Variants in WDR41 observed in about 807,000 individuals in gnomAD.
WDR41 encodes WD repeat domain 41.
In WDR41, 63 loss-of-function variants were observed where a neutral mutation model predicts 69.3. The ratio of observed to expected loss-of-function variants is 0.91; its 90% CI spans 0.74 to 1.12. The LOEUF (loss-of-function observed/expected upper bound fraction) is 1.12, where lower values mean the gene tolerates loss of function less well. WDR41 is among the 50% of genes most tolerant of loss of function. The probability of loss-of-function intolerance (pLI) is 0.00; values close to 1 mark genes in which losing one functional copy is unlikely to be tolerated. For missense variants in WDR41, 543 were observed against 534.5 expected, an observed-to-expected ratio of 1.02 and a Z score of -0.16; for synonymous variants, 185 against 192.1, an observed-to-expected ratio of 0.96 and a Z score of 0.31.
intron 1 of WDR41, among the ~76,000 whole-genome samples, chr5:77,567,914 C>T (rs1419838617): frequency 1.3e-5 from 2 of 151,190 alleles, no homozygotes; most frequent in Non-Finnish European, 2.9e-5. Flanking sequence ...CCATGGACCA[C>T]ATGTTGAAAA....
At chr5:77,515,540 T>C (rs1802279960) in intron 1 of WDR41, among the ~76,000 whole-genome samples, 5 of 152,148 alleles carry the variant, frequency 3.3e-5, no homozygotes. Context: ...AAAAAGAGTA[T>C]AGTAAATGCA....
intron 2 of WDR41, among the ~76,000 whole-genome samples, chr5:77,469,805 G>C (rs1467414392): frequency 6.6e-6 from 1 of 152,128 alleles, no homozygotes; most frequent in African/African-American, 2.4e-5. Context: ...CGTCTGATTG[G>C]TGTAACTGAA....
upstream of WDR41, chr5:77,492,527 G>T (rs984664388): frequency 3.4e-5 from 12 of 355,942 alleles, no homozygotes; most frequent in Middle Eastern, 1.5e-3. Flanking sequence ...CGGGAGCGCC[G>T]CCGGGTAGCG....
intron 6 of WDR41, chr5:77,452,660 C>T (rs544944744): frequency 6.6e-6 from 1 of 152,324 alleles, no homozygotes; most frequent in African/African-American, 2.4e-5. Flanking sequence ...ATGAACAGCT[C>T]ACCAATAGTA....
At chr5:77,594,341 C>T (rs940017174) in intron 1 of WDR41, among the ~76,000 whole-genome samples, 1 of 151,120 alleles carries the variant, frequency 6.6e-6, no homozygotes, top group Non-Finnish European at 1.5e-5. Context: ...GTGCAGCACA[C>T]CAACATAGCA....
chr5:77,575,699 C>CT (rs944076832), intron 1 of WDR41, among the ~76,000 whole-genome samples: 1 of 151,936 alleles, frequency 6.6e-6, no homozygotes, highest in Non-Finnish European at 1.5e-5. Flanking sequence ...AAATGCTATC[C>CT]TTTTTTTTCT....
intron 8 of WDR41, among the ~76,000 whole-genome samples, chr5:77,442,373 CTT>C (rs1208651470): frequency 1.3e-5 from 2 of 151,952 alleles, no homozygotes; most frequent in Admixed American, 1.3e-4. Context: ...ACAATATAAA[CTT>C]AGATATGGAA....
At chr5:77,479,894 A>G (rs1456251402) in intron 2 of WDR41, among the ~76,000 whole-genome samples, 30 of 151,670 alleles carry the variant, frequency 2.0e-4, no homozygotes, top group East Asian at 1.2e-3. Context: ...GCAACCTACA[A>G]AATGGGAGAA....
intron 4 of WDR41, among the ~76,000 whole-genome samples, chr5:77,459,717 T>C (rs367680587): frequency 7.9e-4 from 121 of 152,316 alleles, no homozygotes; most frequent in South Asian, 2.7e-3. Flanking sequence ...TTTTACACCA[T>C]GTCTGAAAAC....
At chr5:77,611,914 A>G (rs1744561731) in intron 1 of WDR41, among the ~76,000 whole-genome samples, 1 of 152,188 alleles carries the variant, frequency 6.6e-6, no homozygotes, top group Non-Finnish European at 1.5e-5. Flanking sequence ...TAAAGAAAAA[A>G]AGAGAGAAGA....
At chr5:77,512,501 C>A (rs139735264) in intron 1 of WDR41, among the ~76,000 whole-genome samples, 1 of 150,720 alleles carries the variant, frequency 6.6e-6, no homozygotes. Context: ...CCTGTAATCC[C>A]GGCACTTTGG....
At chr5:77,492,093 C>T in intron 1 of WDR41, 77 bp downstream of exon 1, 2 of 1,556,706 alleles carry the variant, frequency 1.3e-6, no homozygotes, top group South Asian at 1.2e-5. Flanking sequence ...CGGTCGGAAC[C>T]CAGGAAGGCC....
intron 1 of WDR41, among the ~76,000 whole-genome samples, chr5:77,511,983 A>AT (rs1802210283): frequency 6.6e-6 from 1 of 152,156 alleles, no homozygotes; most frequent in African/African-American, 2.4e-5. Context: ...CATTCTTAGG[A>AT]TTTAGGCAGT....
Position 77,444,334 on chromosome 5 carries a change from G to T in WDR41, c.698-3337C>A, listed in dbSNP as rs73764877. Among the ~76,000 whole-genome samples, 783 of 152,198 alleles carry T rather than the reference G, an allele frequency of 5.1e-3. 3 individuals are homozygous for T. Among genetic ancestry groups the T allele is most frequent in the African/African-American group, 0.018 (735 of 41,516 alleles). ...CCACTTAGTATGAAAATCTCACCTG[G>T]TATCTGTCTATCCATCCCTCACAAG... On this transcript the variant is annotated intron_variant, in intron 8 of 12. Coordinates refer to ENST00000296679, the MANE Select transcript of WDR41 (RefSeq NM_018268.4).
chr5:77,526,493 C>A (rs1802449306), intron 1 of WDR41, among the ~76,000 whole-genome samples: 1 of 152,046 alleles, frequency 6.6e-6, no homozygotes, highest in South Asian at 2.1e-4. Flanking sequence ...TTGGATTCAG[C>A]AATCCAATTT....
At chr5:77,507,729 G>A (rs73124309) in intron 1 of WDR41, among the ~76,000 whole-genome samples, 9,514 of 152,152 alleles carry the variant, frequency 0.063, 520 homozygotes, top group African/African-American at 0.15. Context: ...GATGTGACTA[G>A]GTATGGATCT....
intron 1 of WDR41, among the ~76,000 whole-genome samples, chr5:77,585,289 G>C (rs1002094696): frequency 6.6e-6 from 1 of 152,142 alleles, no homozygotes; most frequent in Non-Finnish European, 1.5e-5. Context: ...CCTCACTCCT[G>C]CAAGAATGGC....
intron 1 of WDR41, among the ~76,000 whole-genome samples, chr5:77,533,634 G>C (rs914150183): frequency 9.2e-5 from 14 of 152,106 alleles, no homozygotes; most frequent in African/African-American, 3.4e-4. Flanking sequence ...ATAGGAGCCT[G>C]AAATGGATGA....
chr5:77,492,430 G>A (rs1221523696), upstream of WDR41: 2 of 554,466 alleles, frequency 3.6e-6, no homozygotes, highest in Non-Finnish European at 5.9e-6. Flanking sequence ...CGGAGGCTTA[G>A]TTTGGGCAGT....
Sources: gnomAD v4.1 joint callset for allele counts (sites outside exome capture counted in the v4.1 genomes callset) on GRCh38, gnomAD v4.1.1 for gene constraint, MANE v1.5 for transcripts, NCBI Gene and HGNC (gene_info 2026-07-23, HGNC 2026-07-21) for gene names.